MYO1E: variants seen among roughly 807,000 people sequenced by gnomAD.
The protein encoded by MYO1E is myosin IE.
Under a neutral mutation model 151.1 loss-of-function variants are expected in MYO1E, and 68 were observed. That is an observed-to-expected ratio of 0.45 (90% CI 0.37 to 0.55). The LOEUF (loss-of-function observed/expected upper bound fraction) is 0.55. Ranked by LOEUF, MYO1E falls within the 20% of genes least tolerant of loss-of-function variation. MYO1E has a pLI of 0.00. For missense variants in MYO1E, 1,363 were observed against 1,389.3 expected (o/e 0.98, Z 0.30); for synonymous variants, 601 against 501.7 (o/e 1.20, Z -2.64).
intron 12 of MYO1E, among the ~76,000 whole-genome samples, chr15:59,212,370 C>T (rs1281859437): frequency 6.6e-6 from 1 of 151,990 alleles, no homozygotes; most frequent in Non-Finnish European, 1.5e-5. Flanking sequence ...GGCAGAAGGT[C>T]ACGTGAAACC....
intron 25 of MYO1E, 118 bp downstream of exon 25, chr15:59,158,169 G>A: frequency 3.3e-6 from 3 of 902,928 alleles, no homozygotes; most frequent in Non-Finnish European, 5.4e-6. Flanking sequence ...GCACTGAAAT[G>A]GTCCATGCCT....
chr15:59,205,579 A>G (rs2079828583), intron 14 of MYO1E, 94 bp from the exon 15 acceptor site: 1 of 1,224,954 alleles, frequency 8.2e-7, no homozygotes, highest in East Asian at 2.4e-5. Flanking sequence ...ATTTCACCAA[A>G]CAAAAAACCA....
chr15:59,174,456 A>C (rs535495890), intron 19 of MYO1E, among the ~76,000 whole-genome samples: 1 of 152,350 alleles, frequency 6.6e-6, no homozygotes, highest in East Asian at 1.9e-4. Flanking sequence ...AATGGAAAAC[A>C]ATGGGAAATA....
At chr15:59,311,741 A>G (rs767421354) in intron 1 of MYO1E, among the ~76,000 whole-genome samples, 20 of 152,198 alleles carry the variant, frequency 1.3e-4, no homozygotes, top group Admixed American at 7.2e-4. Flanking sequence ...TGAAGGTAGA[A>G]AAAGGGGGAA....
chr15:59,160,332 AGTGCGTGT>A (rs2079530446), intron 24 of MYO1E, among the ~76,000 whole-genome samples: 1 of 117,112 alleles, frequency 8.5e-6, no homozygotes, highest in African/African-American at 3.4e-5. Context: ...GGTTTGAGGT[AGTGCGTGT>A]GTGTGTGTGT....
intron 23 of MYO1E, among the ~76,000 whole-genome samples, chr15:59,161,572 G>A (rs774858247): frequency 3.9e-5 from 6 of 152,204 alleles, no homozygotes; most frequent in Non-Finnish European, 8.8e-5. Flanking sequence ...AGGTCATACC[G>A]CTGTGCTGTC....
chr15:59,334,995 C>T (rs1353165139), intron 1 of MYO1E, among the ~76,000 whole-genome samples: 1 of 152,166 alleles, frequency 6.6e-6, no homozygotes, highest in Non-Finnish European at 1.5e-5. Flanking sequence ...AACTCCTCCT[C>T]GCTAAGAATA....
Position 59,213,099 on chromosome 15 carries a change from C to T in MYO1E, c.1275+1129G>A, listed in dbSNP as rs960824740. 4.6e-5 allele frequency among the ~76,000 whole-genome samples: 7 copies of T among 151,306 alleles called. No individual in the cohort carries two copies. In the East Asian group the frequency reaches 9.7e-4, roughly 21 times the overall value. On this transcript the variant is annotated intron_variant, in intron 12 of 27. Coordinates refer to ENST00000288235, the MANE Select transcript of MYO1E (RefSeq NM_004998.4). Reference sequence around the variant, plus strand: ...GGCCCCAGGAATCCTAAACAATATGCTATCAGGAAACAATGGAAACTGCAC... The same window carrying T: ...GGCCCCAGGAATCCTAAACAATATGTTATCAGGAAACAATGGAAACTGCAC...
At position 59,311,919 on chromosome 15, in the gene MYO1E, G is replaced by A. The variant is rs533324210; in HGVS notation, c.4-39470C>T. On this transcript the variant is annotated intron_variant, in intron 1 of 27. Coordinates refer to ENST00000288235, the MANE Select transcript of MYO1E (RefSeq NM_004998.4). ...CACTTGCCATATGTTGCTTTCTGCC[G>A]TGTTGAAGCAGCAAGAAGGCCCTCA... 5.3e-5 allele frequency among the ~76,000 whole-genome samples: 8 copies of A among 152,200 alleles called. No individual in the cohort carries two copies. In the East Asian group the frequency reaches 5.8e-4, roughly 11 times the overall value.
At chr15:59,232,946 C>A (rs541246592) in intron 5 of MYO1E, among the ~76,000 whole-genome samples, 1 of 152,116 alleles carries the variant, frequency 6.6e-6, no homozygotes, top group Non-Finnish European at 1.5e-5. Context: ...CATCCTTAGC[C>A]ATGGCACCAA....
At chr15:59,202,206 T>A (rs2079806381) in intron 16 of MYO1E, 120 bp downstream of exon 16, 2 of 834,958 alleles carry the variant, frequency 2.4e-6, no homozygotes, top group African/African-American at 3.4e-5. Context: ...CTTCTGGGCA[T>A]CTTCTGTAAC....
chr15:59,145,182 T>C (rs1269629427), intron 26 of MYO1E, among the ~76,000 whole-genome samples: 1 of 152,092 alleles, frequency 6.6e-6, no homozygotes, highest in African/African-American at 2.4e-5. Context: ...ATTTGATTAA[T>C]GAGGTCTTCT....
intron 1 of MYO1E, 152 bp downstream of exon 1, chr15:59,372,346 C>A (rs547328985): frequency 3.2e-6 from 3 of 948,832 alleles, no homozygotes; most frequent in East Asian, 2.7e-5. Context: ...TTACGGAAAG[C>A]GGCAGGAAAT....
At position 59,214,724 on chromosome 15, in the gene MYO1E, G is replaced by C. The variant is rs751418375; in HGVS notation, c.1108-4C>G. 5 of 1,610,056 alleles carry C rather than the reference G, an allele frequency of 3.1e-6. No individual in the cohort carries two copies. In the East Asian group the frequency reaches 1.1e-4, roughly 36 times the overall value. ...TCTCCATGGCTTTATTGATGGACTA[G>C]AGAAAGTAAACAGCATGGCAGTGAA... On this transcript the variant is annotated splice_region_variant and splice_polypyrimidine_tract_variant and intron_variant, in intron 10 of 27. Coordinates refer to ENST00000288235, the MANE Select transcript of MYO1E (RefSeq NM_004998.4).
intron 4 of MYO1E, among the ~76,000 whole-genome samples, chr15:59,242,894 A>G (rs1202825940): frequency 6.6e-6 from 1 of 152,164 alleles, no homozygotes; most frequent in Non-Finnish European, 1.5e-5. Flanking sequence ...ACAAAATTTA[A>G]TGCCTGAACT....
At chr15:59,208,186 C>A in intron 14 of MYO1E, 1 of 1,099,336 alleles carries the variant, frequency 9.1e-7, no homozygotes, top group Non-Finnish European at 1.3e-6. Context: ...AAGATGGAAA[C>A]AGGAAAGTAG....
In MYO1E at chr15:59,208,758, G is replaced by C. The variant is rs2079857442; in HGVS notation, c.1453C>G (p.Leu485Val). The C allele has an allele frequency of 1.2e-6, 2 of 1,614,052 alleles. No individual in the cohort carries two copies. Among genetic ancestry groups the C allele is most frequent in the Non-Finnish European group, 1.7e-6 (2 of 1,180,034 alleles). The change falls in exon 14 of 28, where the codon CTT (leucine) becomes GTT (valine). Residue 485 changes from leucine to valine, a missense_variant. Leu to Val is a conservative substitution (Grantham distance 32). Transcript: ENST00000288235. ...TCATGACTCCCAATCTGCATCTGAAGTTTCTGGAGCAGCGTCTGATCTGCC... is the reference window on the plus strand; with the variant it reads ...TCATGACTCCCAATCTGCATCTGAACTTTCTGGAGCAGCGTCTGATCTGCC... The part of the protein sequence containing the change: ...EGADQTLLQK[L>V]QMQIGSHEHF...
chr15:59,204,785 G>A (rs1439863510), intron 15 of MYO1E, among the ~76,000 whole-genome samples: 2 of 152,134 alleles, frequency 1.3e-5, no homozygotes, highest in Non-Finnish European at 2.9e-5. Context: ...GGTTAATGTG[G>A]GTCTTGCTAA....
chr15:59,196,331 G>A (rs1035870897), intron 16 of MYO1E, among the ~76,000 whole-genome samples: 1 of 152,194 alleles, frequency 6.6e-6, no homozygotes, highest in Non-Finnish European at 1.5e-5. Context: ...AATTGCTTAT[G>A]AAGTATTTTA....
Sources: allele counts gnomAD v4.1 joint callset (sites outside exome capture counted in the v4.1 genomes callset), GRCh38; gene constraint gnomAD v4.1.1; transcripts MANE v1.5; gene names NCBI Gene and HGNC (gene_info 2026-07-23, HGNC 2026-07-21).